The following CBR4 variants were observed in gnomAD, a reference collection of about 807,000 sequenced individuals.
CBR4 encodes the protein carbonyl reductase 4.
In CBR4, 22 loss-of-function variants were observed where a neutral mutation model predicts 21.0. The observed-to-expected ratio is 1.05, with a 90% confidence interval of 0.75 to 1.50. The LOEUF (loss-of-function observed/expected upper bound fraction) is 1.50, where lower values mean the gene tolerates loss of function less well. Among genes scored for constraint, CBR4 ranks in the 40% most tolerant of loss-of-function variants. CBR4 has a pLI of 0.00. For missense variants in CBR4, 302 were observed against 286.3 expected (o/e 1.05, Z -0.40); for synonymous variants, 100 against 104.4 (o/e 0.96, Z 0.26).
chr4:168,994,868 C>G (rs1765113413), intron 4 of CBR4, among the ~76,000 whole-genome samples: 1 of 150,862 alleles, frequency 6.6e-6, no homozygotes. Flanking sequence ...AATTCTTCTG[C>G]CTTAGCCTCC....
At position 169,006,841 on chromosome 4, in the gene CBR4, T is replaced by TG. The variant is rs751090261; in HGVS notation, c.313dup (p.His105ProfsTer3). ...CAGCATGGAACCCAAGAGGTTAGTA[T>TG]GAAGCTGAGATACCATATCTTCAGT... On this transcript the variant is annotated frameshift_variant, in exon 3 of 5. Coordinates refer to ENST00000306193, the MANE Select transcript of CBR4 (RefSeq NM_032783.5). LOFTEE classifies it high-confidence loss of function. 5 of 1,613,272 alleles carry TG rather than the reference T, an allele frequency of 3.1e-6. No homozygotes were observed. The highest frequency in any genetic ancestry group is 4.2e-6 in the Non-Finnish European group (5 of 1,179,194).
intron 2 of CBR4, chr4:168,925,229 G>C (rs112116419): frequency 8.7e-6 from 14 of 1,605,476 alleles, no homozygotes; most frequent in Non-Finnish European, 1.2e-5. Context: ...CTTTCTATTT[G>C]TAGTTTCTCG....
intron 3 of CBR4, among the ~76,000 whole-genome samples, chr4:169,002,683 G>A (rs1730556046): frequency 6.6e-6 from 1 of 151,250 alleles, no homozygotes; most frequent in Admixed American, 6.6e-5. Flanking sequence ...CACTAAAATT[G>A]AATTACATGC....
chr4:168,994,585 GCTTTTTTT>G (rs2126822852), intron 4 of CBR4, among the ~76,000 whole-genome samples: 1 of 151,958 alleles, frequency 6.6e-6, no homozygotes, highest in Non-Finnish European at 1.5e-5. Context: ...TTTCTTTTTT[GCTTTTTTT>G]CTTTTGAGAC....
At chr4:168,976,435 G>A (rs549210163) in intron 2 of CBR4, among the ~76,000 whole-genome samples, 6 of 152,188 alleles carry the variant, frequency 3.9e-5, no homozygotes, top group Admixed American at 3.9e-4. Context: ...TTTCACCTGC[G>A]TGCAGGTGGG....
chr4:169,009,946 A>G lies in CBR4; in HGVS notation c.142+2T>C. 1 of 1,610,210 alleles carries G rather than the reference A, an allele frequency of 6.2e-7. No individual in the cohort carries two copies. Among genetic ancestry groups the G allele is most frequent in the South Asian group, 1.1e-5 (1 of 90,560 alleles). On this transcript the variant is annotated splice_donor_variant, in intron 1 of 4. Coordinates refer to ENST00000306193, the MANE Select transcript of CBR4 (RefSeq NM_032783.5). LOFTEE classifies it high-confidence loss of function. The stretch of plus-strand genomic sequence containing the variant: ...ACTGGACAACTCCAGTTTGGTACCT[A>G]CCGCCGAGGTCACCGGCGGCGGCTT...
At chr4:168,954,053 A>G (rs1448133374) in intron 2 of CBR4, among the ~76,000 whole-genome samples, 1 of 152,170 alleles carries the variant, frequency 6.6e-6, no homozygotes, top group Non-Finnish European at 1.5e-5. Context: ...AGTAGGACCA[A>G]AAAGAGAGAA....
At chr4:168,975,433 G>C (rs1764339405) in intron 2 of CBR4, among the ~76,000 whole-genome samples, 1 of 152,214 alleles carries the variant, frequency 6.6e-6, no homozygotes, top group Admixed American at 6.5e-5. Flanking sequence ...TAGTTAGCTA[G>C]GGTGTGCAGG....
chr4:168,905,755 A>G (rs964465341), intron 2 of CBR4, among the ~76,000 whole-genome samples: 22 of 148,988 alleles, frequency 1.5e-4, no homozygotes, highest in African/African-American at 5.2e-4. Context: ...TATTTGATAT[A>G]TATGAAGAAA....
chr4:168,948,506 AT>A (rs1763454738), intron 2 of CBR4, among the ~76,000 whole-genome samples: 1 of 152,120 alleles, frequency 6.6e-6, no homozygotes, highest in Non-Finnish European at 1.5e-5. Context: ...CAGGTCTTAG[AT>A]TTAAGTCCTT....
intron 2 of CBR4, chr4:168,928,556 G>A (rs972833785): frequency 3.7e-5 from 6 of 161,128 alleles, no homozygotes; most frequent in Non-Finnish European, 6.8e-5. Flanking sequence ...AATCAAGTTC[G>A]GGCAGGATGT....
chr4:168,894,683 A>G (rs981612426), exon 3 of CBR4: 2 of 1,612,652 alleles, frequency 1.2e-6, no homozygotes, highest in Non-Finnish European at 1.7e-6. Context: ...ATCAGGTACC[A>G]TGTTGCTCTG....
intron 2 of CBR4, among the ~76,000 whole-genome samples, chr4:168,910,719 T>TA (rs1176692472): frequency 6.6e-6 from 1 of 152,186 alleles, no homozygotes; most frequent in Non-Finnish European, 1.5e-5. Flanking sequence ...AAGATTAAGT[T>TA]ACCTGCCTAA....
chr4:168,894,609 C>T (rs1192115086), exon 3 of CBR4: 3 of 1,613,234 alleles, frequency 1.9e-6, no homozygotes, highest in Non-Finnish European at 2.5e-6. Context: ...AATGGCTCGT[C>T]GACTGCTAGG....
chr4:168,916,133 C>A, intron 2 of CBR4: 2 of 1,141,442 alleles, frequency 1.8e-6, no homozygotes, highest in Non-Finnish European at 2.6e-6. Context: ...AAAATGAGAG[C>A]TGGGCACAGT....
intron 2 of CBR4, among the ~76,000 whole-genome samples, chr4:168,977,625 C>T (rs1028611764): frequency 2.0e-4 from 31 of 152,120 alleles, no homozygotes; most frequent in Non-Finnish European, 3.4e-4. Context: ...ATTTCTTGCC[C>T]GGATTTCCCC....
chr4:168,898,373 G>GT lies in CBR4; in HGVS notation n.170-3609dup, dbSNP rs1284978035. 5.9e-5 allele frequency: 43 copies of GT among 731,010 alleles called. 1 individual carries two copies. In the South Asian group the frequency reaches 5.9e-4, roughly 10 times the overall value. The allele number at this position is 731,010 out of a possible 1,614,324, so 45.3% of individuals were successfully genotyped here. A position where few individuals can be genotyped will look rare whatever the true frequency, so the allele number is the denominator to read the frequency against. On this transcript the variant is annotated intron_variant and non_coding_transcript_variant, in intron 2 of 3. Coordinates refer to the CBR4 transcript ENST00000509108. ...TGCAATTGAATTGGGCTCAGACTGTGTTTTTAAGCTGTATGGTAAAAATAT... is the reference window on the plus strand; with the variant it reads ...TGCAATTGAATTGGGCTCAGACTGTGTTTTTTAAGCTGTATGGTAAAAATAT...
At chr4:168,928,329 A>T (rs973916442) in intron 2 of CBR4, 14 of 177,208 alleles carry the variant, frequency 7.9e-5, no homozygotes, top group Admixed American at 7.0e-4. Flanking sequence ...GTATTTATAA[A>T]AAAAAAAGTA....
chr4:169,008,350 GTTAC>G (rs1450151906), intron 1 of CBR4, among the ~76,000 whole-genome samples: 1 of 151,902 alleles, frequency 6.6e-6, no homozygotes, highest in Non-Finnish European at 1.5e-5. Flanking sequence ...AAAAGCAACT[GTTAC>G]TTACCACTTT....
Sources: allele counts gnomAD v4.1 joint callset (sites outside exome capture counted in the v4.1 genomes callset), GRCh38; gene constraint gnomAD v4.1.1; transcripts MANE v1.5; gene names NCBI Gene and HGNC (gene_info 2026-07-23, HGNC 2026-07-21).